Variants in XPOT observed in about 807,000 individuals in gnomAD.
XPOT encodes the protein exportin-T.
A neutral mutation model predicts 128.2 loss-of-function variants in XPOT; 34 were observed. The ratio of observed to expected loss-of-function variants is 0.27; its 90% CI spans 0.20 to 0.35. The LOEUF is 0.35. XPOT is among the 10% of genes least tolerant of loss of function. The probability of loss-of-function intolerance (pLI) is 1.00; values close to 1 mark genes in which losing one functional copy is unlikely to be tolerated. For missense variants in XPOT, 838 were observed against 1,125.3 expected, an observed-to-expected ratio of 0.74 and a Z score of 3.65; for synonymous variants, 348 against 394.3, an observed-to-expected ratio of 0.88 and a Z score of 1.39.
chr12:64,413,824 TA>T (rs2040062652), intron 2 of XPOT, among the ~76,000 whole-genome samples: 1 of 152,244 alleles, frequency 6.6e-6, no homozygotes, highest in Non-Finnish European at 1.5e-5. Context: ...ATATTCTTGC[TA>T]GGGTATAGTA....
chr12:64,448,036 G>A, intron 24 of XPOT, 69 bp from the exon 25 acceptor site: 1 of 1,392,404 alleles, frequency 7.2e-7, no homozygotes. Context: ...CAGATACTTG[G>A]AGCCATTCTT....
chr12:64,441,748 G>A (rs971123249), intron 23 of XPOT, among the ~76,000 whole-genome samples: 23 of 151,018 alleles, frequency 1.5e-4, no homozygotes, highest in African/African-American at 5.1e-4. Flanking sequence ...GCAGAGGCAC[G>A]ATCTTGGCTC....
Position 64,421,390 on chromosome 12 carries a change from G to A in XPOT, c.999G>A (p.Leu333=). ...TTGAAACAAAAGTGGCACTGATGTT[G>A]CAGCTACTAATTCATGAGGATGATG... ...QAIETKVALM[L]QLLIHEDDDI... is the part of the protein sequence containing the mutation. Residue 333 remains leucine (L), a synonymous_variant, in exon 9 of 25, where the codon TTG becomes TTA. Coordinates refer to ENST00000332707, the MANE Select transcript of XPOT (RefSeq NM_007235.6). The A allele has an allele frequency of 6.2e-7, 1 of 1,614,028 alleles. No homozygotes were observed. Among genetic ancestry groups the A allele is most frequent in the South Asian group, 1.1e-5 (1 of 91,070 alleles).
At chr12:64,423,494 C>T (rs2040161500) in intron 11 of XPOT, among the ~76,000 whole-genome samples, 2 of 151,990 alleles carry the variant, frequency 1.3e-5, no homozygotes, top group African/African-American at 4.8e-5. Context: ...CACTCTGTCA[C>T]CCAGGCTGGA....
In XPOT at chr12:64,434,733, T is replaced by C; in HGVS notation, c.2570-61T>C. The C allele has an allele frequency of 3.8e-6, 6 of 1,566,334 alleles. No homozygotes were observed. In the South Asian group the frequency reaches 5.6e-5, roughly 15 times the overall value. On this transcript the variant is annotated intron_variant, in intron 20 of 24. Coordinates refer to ENST00000332707, the MANE Select transcript of XPOT (RefSeq NM_007235.6). The stretch of plus-strand genomic sequence containing the variant: ...AGAGAAACTGGGAGTTGGTTTTCCC[T>C]GGTGATGAATTAATTGACTTACTTT...
At position 64,434,512 on chromosome 12, in the gene XPOT, G is replaced by A; in HGVS notation, c.2458G>A (p.Glu820Lys). ...CTAAAGGTTTTTCTCCTCAGGTGCAGAGAATGTAGAAAGAGTGTTGGTTAC... is the reference window on the plus strand; with the variant it reads ...CTAAAGGTTTTTCTCCTCAGGTGCAAAGAATGTAGAAAGAGTGTTGGTTAC... The part of the protein sequence containing the change: ...MSEVIANQGA[E>K]NVERVLVTVI... The change falls in exon 20 of 25, where the codon GAG becomes AAG. Residue 820 changes from glutamate to lysine, a missense_variant. By Grantham distance (56) the Glu-to-Lys change is moderately conservative. Transcript: ENST00000332707. 1.9e-6 allele frequency: 3 copies of A among 1,611,990 alleles called. No individual in the cohort carries two copies. Among genetic ancestry groups the A allele is most frequent in the Non-Finnish European group, 2.5e-6 (3 of 1,178,398 alleles).
rs141677941 is a variant in XPOT at position 64,410,228 on chromosome 12, G to A, written c.60+133G>A. On this transcript the variant is annotated intron_variant, in intron 2 of 24. Coordinates refer to ENST00000332707, the MANE Select transcript of XPOT (RefSeq NM_007235.6). ...AGAAACAAAAAAATTTGAGGTATTTGAATATATTTTGAATATAGAAACAGT... is the reference window on the plus strand; with the variant it reads ...AGAAACAAAAAAATTTGAGGTATTTAAATATATTTTGAATATAGAAACAGT... The A allele has an allele frequency of 3.2e-4, 232 of 716,110 alleles. No individual in the cohort carries two copies. In the East Asian group the frequency reaches 5.9e-3, roughly 18 times the overall value. 44.4% of individuals were successfully genotyped at this position (716,110 alleles called of 1,614,324 possible). A position where few individuals can be genotyped will look rare whatever the true frequency, so the allele number is the denominator to read the frequency against.
intron 22 of XPOT, among the ~76,000 whole-genome samples, chr12:64,436,259 C>T (rs372014901): frequency 6.6e-6 from 1 of 151,940 alleles, no homozygotes; most frequent in Non-Finnish European, 1.5e-5. Flanking sequence ...CTGCGCCTGG[C>T]CTATTTTTTA....
chr12:64,438,181 G>A (rs998999809), intron 22 of XPOT, among the ~76,000 whole-genome samples: 18 of 152,138 alleles, frequency 1.2e-4, no homozygotes, highest in African/African-American at 4.1e-4. Context: ...CATAGAAGTC[G>A]TAATTTAAAC....
intron 19 of XPOT, 133 bp from the exon 20 acceptor site, chr12:64,434,373 CT>C (rs1406693835): frequency 2.4e-5 from 15 of 618,970 alleles, no homozygotes; most frequent in African/African-American, 1.1e-4. Flanking sequence ...TCTGTAAATG[CT>C]TTTTTCCCCC....
chr12:64,438,243 A>G (rs2040298808), intron 22 of XPOT, among the ~76,000 whole-genome samples: 1 of 152,174 alleles, frequency 6.6e-6, no homozygotes, highest in South Asian at 2.1e-4. Flanking sequence ...CAGAAAACAA[A>G]AAAAAGTTTT....
At chr12:64,445,420 G>A (rs1360229220) in intron 24 of XPOT, among the ~76,000 whole-genome samples, 1 of 152,074 alleles carries the variant, frequency 6.6e-6, no homozygotes, top group East Asian at 1.9e-4. Context: ...TGAAAAGAAG[G>A]GGCTAAAAAT....
chr12:64,420,919 G>A (rs1264872278), intron 8 of XPOT, among the ~76,000 whole-genome samples: 1 of 152,146 alleles, frequency 6.6e-6, no homozygotes, highest in Non-Finnish European at 1.5e-5. Context: ...TCCTGTCTCA[G>A]CCTTCCGAGT....
chr12:64,428,287 CATA>C (rs1364698956), intron 16 of XPOT, among the ~76,000 whole-genome samples, 167 bp downstream of exon 16: 1 of 151,818 alleles, frequency 6.6e-6, no homozygotes, highest in Non-Finnish European at 1.5e-5. Flanking sequence ...GTAAACAAAA[CATA>C]GTAATAGGAA....
chr12:64,428,202 T>A (rs1324238950), intron 16 of XPOT, 82 bp downstream of exon 16: 51 of 783,596 alleles, frequency 6.5e-5, no homozygotes, highest in Non-Finnish European at 7.9e-5. Context: ...TGTTGGCATT[T>A]AAAAAAAAAA....
intron 19 of XPOT, 77 bp downstream of exon 19, chr12:64,433,680 C>G: frequency 5.2e-6 from 7 of 1,357,696 alleles, no homozygotes; most frequent in Non-Finnish European, 6.8e-6. Flanking sequence ...CAAGAGCAAA[C>G]TGAAGTAAAT....
In XPOT at chr12:64,425,711, T is replaced by C; in HGVS notation, c.1573-104T>C. ...TCGTATATTCCTAGTCCCTGCCTTT[T>C]AGGAGCTAAGAAGTAAAATTTGGTG... On this transcript the variant is annotated intron_variant, in intron 14 of 24. Coordinates refer to ENST00000332707, the MANE Select transcript of XPOT (RefSeq NM_007235.6). The C allele has an allele frequency of 3.4e-6, 4 of 1,163,702 alleles. No individual in the cohort carries two copies. The South Asian group carries it at 5.1e-5, about 15-fold the overall frequency. The allele number at this position is 1,163,702 out of a possible 1,614,324, so 72.1% of individuals were successfully genotyped here. A position where few individuals can be genotyped will look rare whatever the true frequency, so the allele number is the denominator to read the frequency against.
At chr12:64,431,263 A>C (rs2040236827) in intron 17 of XPOT, among the ~76,000 whole-genome samples, 1 of 152,212 alleles carries the variant, frequency 6.6e-6, no homozygotes, top group Admixed American at 6.5e-5. Flanking sequence ...GGATTTTAAT[A>C]AAACATTTAG....
At position 64,425,068 on chromosome 12, in the gene XPOT, T is replaced by G. The variant is rs1216454144; in HGVS notation, c.1338T>G (p.Val446=). 6.2e-7 allele frequency: 1 copy of G among 1,612,984 alleles called. No homozygotes were observed. Among genetic ancestry groups the G allele is most frequent in the Admixed American group, 1.7e-5 (1 of 60,018 alleles). The change falls in exon 13 of 25, where the codon GTT becomes GTG. Residue 446 remains valine (V), a synonymous_variant. Coordinates refer to ENST00000332707, the MANE Select transcript of XPOT (RefSeq NM_007235.6). Reference sequence around the variant, plus strand: ...GGCAGACTACACGGTTTATGGAAGTTGAAGTAGCAATAAGATTGCTGTATA... The same window carrying G: ...GGCAGACTACACGGTTTATGGAAGTGGAAGTAGCAATAAGATTGCTGTATA... The part of the protein sequence containing the change: ...QNWQTTRFME[V]EVAIRLLYML...
Sources: gnomAD v4.1 joint callset for allele counts (sites outside exome capture counted in the v4.1 genomes callset) on GRCh38, gnomAD v4.1.1 for gene constraint, MANE v1.5 for transcripts, NCBI Gene and HGNC (gene_info 2026-07-23, HGNC 2026-07-21) for gene names.